RASA2: variants seen among roughly 807,000 people sequenced by gnomAD.
The protein encoded by RASA2 is ras GTPase-activating protein 2.
A neutral mutation model predicts 118.2 loss-of-function variants in RASA2; 155 were observed. That is an observed-to-expected ratio of 1.31 (90% CI 1.15 to 1.50). The LOEUF is 1.50. RASA2 is among the 40% of genes most tolerant of loss of function. The pLI is 0.00. For synonymous variants in RASA2, 353 were observed against 349.1 expected, an observed-to-expected ratio of 1.01 and a Z score of -0.12; for missense variants, 1,016 against 1,009.6, an observed-to-expected ratio of 1.01 and a Z score of -0.09.
At position 141,580,386 on chromosome 3, in the gene RASA2, A is replaced by T; in HGVS notation, c.1609A>T (p.Thr537Ser). The change falls in exon 16 of 24, where the codon ACA becomes TCA. Residue 537 changes from threonine to serine, a missense_variant. Transcript: ENST00000286364. ...PHHPDAQTIR[T>S]LTLISKTIQT... ...TCTTTAGGATGCACAGACAATTAGA[A>T]CATTAACTCTCATCTCAAAAACTAT... 1 of 1,607,784 alleles carries T rather than the reference A, an allele frequency of 6.2e-7. No individual in the cohort carries two copies. The highest frequency in any genetic ancestry group is 8.5e-7 in the Non-Finnish European group (1 of 1,175,644).
intron 1 of RASA2, among the ~76,000 whole-genome samples, chr3:141,487,920 G>C (rs2081598249): frequency 1.3e-5 from 2 of 152,168 alleles, no homozygotes; most frequent in Non-Finnish European, 2.9e-5. Context: ...TGACAGGCGG[G>C]ACTAAAGGCA....
At chr3:141,559,567 CTA>C (rs1038013978) in intron 8 of RASA2, among the ~76,000 whole-genome samples, 24 of 152,144 alleles carry the variant, frequency 1.6e-4, no homozygotes, top group African/African-American at 5.3e-4. Context: ...TGGTGGTAAT[CTA>C]GAGAGAAACT....
chr3:141,551,429 C>T (rs933304933), intron 5 of RASA2, among the ~76,000 whole-genome samples: 11 of 152,218 alleles, frequency 7.2e-5, no homozygotes, highest in Admixed American at 6.5e-4. Context: ...TCCCCAGCCT[C>T]AGATGATTTC....
chr3:141,571,248 G>T (rs1279127031), intron 10 of RASA2, among the ~76,000 whole-genome samples, 158 bp from the exon 11 acceptor site: 1 of 152,022 alleles, frequency 6.6e-6, no homozygotes, highest in Non-Finnish European at 1.5e-5. Flanking sequence ...ATTCCTACAT[G>T]TGCTCCCACA....
intron 19 of RASA2, among the ~76,000 whole-genome samples, chr3:141,606,612 T>C (rs1386616924): frequency 1.3e-5 from 2 of 152,158 alleles, no homozygotes; most frequent in African/African-American, 4.8e-5. Context: ...TAAGTGACTT[T>C]ATCTTTTTTA....
chr3:141,590,200 G>A (rs754277414), intron 19 of RASA2: 1 of 455,314 alleles, frequency 2.2e-6, no homozygotes, highest in Non-Finnish European at 4.4e-6. Context: ...ATTGTTATAT[G>A]GATTCTGATT....
At chr3:141,597,045 TAAA>T (rs1311520876) in intron 19 of RASA2, among the ~76,000 whole-genome samples, 1 of 152,132 alleles carries the variant, frequency 6.6e-6, no homozygotes, top group Non-Finnish European at 1.5e-5. Context: ...AGAAGCAACC[TAAA>T]TGTCTATCAG....
At chr3:141,593,317 G>C (rs2083314954) in intron 19 of RASA2, among the ~76,000 whole-genome samples, 1 of 152,108 alleles carries the variant, frequency 6.6e-6, no homozygotes, top group South Asian at 2.1e-4. Context: ...AAAGTGCTGG[G>C]ATTACAGGCA....
rs145887423 is a variant in RASA2 at position 141,499,422 on chromosome 3, C to CCA, written c.133+12220_133+12221dup. On this transcript the variant is annotated intron_variant, in intron 1 of 23. Coordinates refer to ENST00000286364, the MANE Select transcript of RASA2 (RefSeq NM_006506.5). ...CTTATATATAGTTCAGGTTTTATAG[C>CCA]CACACACACACACACGAAAAAACAG... Among the ~76,000 whole-genome samples the CCA allele has an allele frequency of 1.2e-3, 188 of 151,316 alleles. 2 individuals carry two copies. The highest frequency in any genetic ancestry group is 3.1e-3 in the African/African-American group (129 of 41,270).
rs183132569 is a variant in RASA2 at position 141,581,548 on chromosome 3, G to A, written c.1752+371G>A. 2.2e-3 allele frequency among the ~76,000 whole-genome samples: 332 copies of A among 152,264 alleles called. 5 individuals carry two copies. The highest frequency in any genetic ancestry group is 7.7e-3 in the African/African-American group (321 of 41,552). ...CCTGGCCTCTACCCCTTAGACGCAA[G>A]AAGTATGCCCCTGTTTTGACAGCCA... On this transcript the variant is annotated intron_variant, in intron 17 of 23. Transcript: ENST00000286364.
intron 15 of RASA2, 76 bp from the exon 16 acceptor site, chr3:141,580,292 T>G: frequency 8.9e-7 from 1 of 1,123,898 alleles, no homozygotes; most frequent in Admixed American, 2.2e-5. Flanking sequence ...ATGTAGTCCA[T>G]TTACTCTATT....
At position 141,541,259 on chromosome 3, in the gene RASA2, A is replaced by C. The variant is rs1283644239; in HGVS notation, c.527+650A>C. ...GCAGTTTCACAGCCTTCTCAGTTAG[A>C]GGCTTTGTTTTTCTATCATGTCCAC... On this transcript the variant is annotated intron_variant, in intron 5 of 23. Coordinates refer to ENST00000286364, the MANE Select transcript of RASA2 (RefSeq NM_006506.5). Among the ~76,000 whole-genome samples, 8 of 152,224 alleles carry C rather than the reference A, an allele frequency of 5.3e-5. No individual in the cohort carries two copies. The East Asian group carries it at 1.5e-3, about 29-fold the overall frequency.
chr3:141,495,952 G>A (rs1046099640), intron 1 of RASA2, among the ~76,000 whole-genome samples: 11 of 152,350 alleles, frequency 7.2e-5, no homozygotes, highest in South Asian at 2.1e-4. Flanking sequence ...AGAATAATAT[G>A]TGTAGTATCC....
intron 4 of RASA2, among the ~76,000 whole-genome samples, chr3:141,534,554 T>C (rs2082301962): frequency 6.6e-6 from 1 of 152,086 alleles, no homozygotes. Context: ...ATCTTGAATT[T>C]CTGGATCATG....
chr3:141,601,960 A>G (rs1269676059), intron 19 of RASA2, among the ~76,000 whole-genome samples: 2 of 152,160 alleles, frequency 1.3e-5, no homozygotes, highest in Non-Finnish European at 2.9e-5. Flanking sequence ...CAGCTCCAGA[A>G]TTTCCATTTA....
intron 7 of RASA2, among the ~76,000 whole-genome samples, chr3:141,556,866 A>G (rs1352122035): frequency 2.0e-5 from 3 of 152,178 alleles, no homozygotes; most frequent in Non-Finnish European, 4.4e-5. Flanking sequence ...AAAGTGAAGC[A>G]GGAAGAATTG....
rs772808340 is a variant in RASA2, at chr3:141,571,316, A to ATTTCAC, written c.1021-88_1021-87insTCACTT. On this transcript the variant is annotated intron_variant, in intron 10 of 23. Transcript: ENST00000286364. ...TGTCCTGTATAACAGCTTTAGTGAC[A>ATTTCAC]TTATTTCAGTTACTTTTACAGGCTA... The ATTTCAC allele has an allele frequency of 9.7e-5, 145 of 1,491,236 alleles. No homozygotes were observed. The South Asian group carries it at 1.6e-3, about 16-fold the overall frequency. The allele number at this position is 1,491,236 out of a possible 1,614,324, so 92.4% of individuals were successfully genotyped here.
intron 3 of RASA2, among the ~76,000 whole-genome samples, chr3:141,520,302 C>T (rs569716911): frequency 1.3e-5 from 2 of 152,024 alleles, no homozygotes; most frequent in African/African-American, 2.4e-5. Context: ...TGAGCCACCA[C>T]GCCCCACCAG....
At chr3:141,570,592 A>G (rs1397397038) in intron 9 of RASA2, among the ~76,000 whole-genome samples, 3 of 152,186 alleles carry the variant, frequency 2.0e-5, no homozygotes, top group African/African-American at 7.2e-5. Context: ...AATACATTGG[A>G]TTTTAAATGT....
Sources: allele counts gnomAD v4.1 joint callset (sites outside exome capture counted in the v4.1 genomes callset), GRCh38; gene constraint gnomAD v4.1.1; transcripts MANE v1.5; gene names NCBI Gene and HGNC (gene_info 2026-07-23, HGNC 2026-07-21).